Variants in TLE3 observed in about 807,000 individuals in gnomAD.
The protein encoded by TLE3 is transducin-like enhancer protein 3.
TLE3 carries 14 observed loss-of-function variants against 93.0 expected under a neutral mutation model. The ratio of observed to expected loss-of-function variants is 0.15; its 90% confidence interval spans 0.10 to 0.24. TLE3 has a LOEUF of 0.24. Ranked by LOEUF, TLE3 falls within the 10% of genes least tolerant of loss-of-function variation. TLE3 has a pLI of 1.00. For missense variants in TLE3, 693 were observed against 1,046.6 expected, an observed-to-expected ratio of 0.66 and a Z score of 4.66; for synonymous variants, 451 against 425.0, an observed-to-expected ratio of 1.06 and a Z score of -0.75.
chr15:70,059,300 G>T, intron 10 of TLE3, 110 bp downstream of exon 10: 2 of 1,323,126 alleles, frequency 1.5e-6, no homozygotes, highest in Non-Finnish European at 2.1e-6. Context: ...TTGTCTCCCT[G>T]CTCAGGCTGC....
rs1322444216 is a variant in TLE3 at position 70,066,209 on chromosome 15, G to A, written c.382C>T (p.Leu128Phe). The change falls in exon 7 of 20, where the codon CTC becomes TTC. Residue 128 changes from leucine (L) to phenylalanine (F), a missense_variant. Transcript: ENST00000451782. The part of the protein sequence containing the change: ...ELNAIIGQQQ[L>F]QAQHLSHATH... ...GCATGGGAGAGGTGCTGCGCCTGGA[G>A]CTGCTGCTGCTGCAATGAAGTCGGT... 6.6e-7 allele frequency: 1 copy of A among 1,523,578 alleles called. No homozygotes were observed. Among genetic ancestry groups the A allele is most frequent in the Non-Finnish European group, 8.8e-7 (1 of 1,137,132 alleles). 94.4% of individuals were successfully genotyped at this position (1,523,578 alleles called of 1,614,324 possible).
At chr15:70,064,101 GC>G (rs1242802681) in intron 8 of TLE3, among the ~76,000 whole-genome samples, 1 of 152,188 alleles carries the variant, frequency 6.6e-6, no homozygotes, top group African/African-American at 2.4e-5. Flanking sequence ...AGCTCATTTA[GC>G]CCAAGCTCTT....
Position 70,054,461 on chromosome 15 carries a change from G to A in TLE3, c.1803C>T (p.Asp601=), listed in dbSNP as rs2055836986. The change falls in exon 16 of 20, where the codon GAC becomes GAT. Residue 601 remains aspartate (D), a synonymous_variant. Coordinates refer to ENST00000451782, the MANE Select transcript of TLE3 (RefSeq NM_001105192.3). Reference sequence around the variant, plus strand: ...ACCTGACCAGGGTCTGGTTGTGCAGGTCCCAGACAGCAATGTTCCCATCGC... The same window carrying A: ...ACCTGACCAGGGTCTGGTTGTGCAGATCCCAGACAGCAATGTTCCCATCGC... ...CCSDGNIAVW[D]LHNQTLVRQF... The A allele has an allele frequency of 4.3e-6, 7 of 1,613,894 alleles. No individual in the cohort carries two copies. The highest frequency in any genetic ancestry group is 2.2e-5 in the East Asian group (1 of 44,880).
At chr15:70,079,216 C>T (rs971968878) in intron 4 of TLE3, among the ~76,000 whole-genome samples, 10 of 151,908 alleles carry the variant, frequency 6.6e-5, no homozygotes, top group Admixed American at 2.0e-4. Context: ...TGAGGGCTAT[C>T]GCAACAATGC....
intron 4 of TLE3, among the ~76,000 whole-genome samples, chr15:70,092,033 C>G (rs530817817): frequency 1.4e-5 from 2 of 142,126 alleles, no homozygotes; most frequent in South Asian, 2.3e-4. Context: ...TGTAATCACA[C>G]GAACAGTCAA....
At chr15:70,087,525 T>C (rs1269688655) in intron 4 of TLE3, among the ~76,000 whole-genome samples, 1 of 152,216 alleles carries the variant, frequency 6.6e-6, no homozygotes, top group Non-Finnish European at 1.5e-5. Context: ...CCCCTGGGAT[T>C]ATTTGGTGGT....
At chr15:70,070,355 G>A (rs909583868) in intron 6 of TLE3, among the ~76,000 whole-genome samples, 18 of 152,182 alleles carry the variant, frequency 1.2e-4, no homozygotes, top group Admixed American at 7.9e-4. Context: ...TTAGGCCTTC[G>A]CTAGGTGATT....
chr15:70,096,241 C>T lies in TLE3; in HGVS notation c.45G>A (p.Gln15=), dbSNP rs1337711688. ...GRHPAPHQPG[Q]PGFKFTVAES... ...CAGCCACCGTGAATTTAAATCCCGG[C>T]TGCCCGGGTTGATGGGGAGCCTGGA... The change falls in exon 2 of 20, where the codon CAG becomes CAA. Residue 15 remains glutamine, a synonymous_variant. Transcript: ENST00000451782. The T allele has an allele frequency of 1.3e-6, 2 of 1,555,538 alleles. No individual in the cohort carries two copies. The highest frequency in any genetic ancestry group is 1.9e-5 in the Admixed American group (1 of 51,634).
intron 4 of TLE3, 86 bp from the exon 5 acceptor site, chr15:70,076,244 C>T: frequency 7.9e-7 from 1 of 1,258,098 alleles, no homozygotes; most frequent in Non-Finnish European, 1.2e-6. Context: ...GCAAACTCCC[C>T]CCAGACCACA....
intron 9 of TLE3, among the ~76,000 whole-genome samples, chr15:70,060,271 G>T (rs907872584): frequency 6.6e-6 from 1 of 152,166 alleles, no homozygotes; most frequent in Non-Finnish European, 1.5e-5. Flanking sequence ...GCCTGTCTGT[G>T]GGAAGAGACC....
chr15:70,058,905 G>A lies in TLE3; in HGVS notation c.766-90C>T, dbSNP rs1275066521. On this transcript the variant is annotated intron_variant, in intron 10 of 19. Transcript: ENST00000451782. This position sits in a 1 kb window ranked among gnomAD's most constrained non-coding sequence, Gnocchi z 4.1. ...TGGGAGTGGGAAGAGAGAGGGCATG[G>A]GCGATGGGAAGACGAGCTTGGCTGA... is the stretch of plus-strand genomic sequence containing the variant. 2 of 1,433,456 alleles carry A rather than the reference G, an allele frequency of 1.4e-6. No homozygotes were observed. Among genetic ancestry groups the A allele is most frequent in the Non-Finnish European group, 1.8e-6 (2 of 1,093,360 alleles). 88.8% of individuals were successfully genotyped at this position (1,433,456 alleles called of 1,614,324 possible).
chr15:70,068,047 C>T (rs974665563), intron 6 of TLE3, among the ~76,000 whole-genome samples: 1 of 152,196 alleles, frequency 6.6e-6, no homozygotes, highest in African/African-American at 2.4e-5. Flanking sequence ...AACTCCAGCT[C>T]CTCTAGGATG....
intron 4 of TLE3, chr15:70,079,531 T>G: frequency 2.4e-6 from 1 of 415,792 alleles, no homozygotes; most frequent in Admixed American, 4.3e-5. Context: ...TAGTACCCTC[T>G]TGGGGTCTCC....
Position 70,058,268 on chromosome 15 carries a change from C to G in TLE3, c.942G>C (p.Gly314=). The part of the protein sequence containing the change: ...LGHNDKSSTP[G]LKSNTPTPRN... ...TTGGGGTTGGTGTGTTGGACTTGAGCCCAGGGGTGGAGGATTTGTCGTTCT... is the reference window on the plus strand; with the variant it reads ...TTGGGGTTGGTGTGTTGGACTTGAGGCCAGGGGTGGAGGATTTGTCGTTCT... Residue 314 remains glycine, a synonymous_variant, in exon 12 of 20, where the codon GGG becomes GGC. Coordinates refer to ENST00000451782, the MANE Select transcript of TLE3 (RefSeq NM_001105192.3). The surrounding 1 kb of genome is among the most constrained non-coding windows in gnomAD (Gnocchi z 4.1). 1.2e-6 allele frequency: 2 copies of G among 1,611,074 alleles called. No homozygotes were observed. The highest frequency in any genetic ancestry group is 1.7e-6 in the Non-Finnish European group (2 of 1,178,462).
intron 6 of TLE3, among the ~76,000 whole-genome samples, chr15:70,069,198 A>T (rs2056994665): frequency 6.6e-6 from 1 of 152,194 alleles, no homozygotes; most frequent in African/African-American, 2.4e-5. Context: ...ATTAGTGAAA[A>T]TTTTGGAAAA....
In TLE3 at chr15:70,065,968, T is replaced by G. The variant is rs780543526; in HGVS notation, c.577+46A>C. 45 of 1,340,212 alleles carry G rather than the reference T, an allele frequency of 3.4e-5. No individual in the cohort carries two copies. The South Asian group carries it at 5.3e-4, about 16-fold the overall frequency. The allele number at this position is 1,340,212 out of a possible 1,614,324, so 83.0% of individuals were successfully genotyped here. ...TCACTGTGAGGCCTATGAGCGCCCA[T>G]GCCCACCCCTGCCCCGCCCCACCCT... On this transcript the variant is annotated intron_variant, in intron 7 of 19. Coordinates refer to ENST00000451782, the MANE Select transcript of TLE3 (RefSeq NM_001105192.3).
At chr15:70,091,300 G>C (rs566372698) in intron 4 of TLE3, among the ~76,000 whole-genome samples, 2 of 152,380 alleles carry the variant, frequency 1.3e-5, no homozygotes, top group African/African-American at 4.8e-5. Flanking sequence ...CCAACAGTGG[G>C]TGAAAAGGCT....
chr15:70,096,445 G>C, intron 1 of TLE3, 184 bp from the exon 2 acceptor site: 1 of 1,211,234 alleles, frequency 8.3e-7, no homozygotes. Context: ...CCCGTCGGCA[G>C]CGGGGCTCCC....
chr15:70,082,375 C>T (rs2057820862), intron 4 of TLE3, among the ~76,000 whole-genome samples: 1 of 152,026 alleles, frequency 6.6e-6, no homozygotes, highest in Non-Finnish European at 1.5e-5. Flanking sequence ...GTTCTCAGGC[C>T]CTGCTCCATC....
Sources: gnomAD v4.1 joint callset for allele counts (sites outside exome capture counted in the v4.1 genomes callset) on GRCh38, gnomAD v4.1.1 for gene constraint, Gnocchi (gnomAD v3.1) non-coding constraint, MANE v1.5 for transcripts, NCBI Gene and HGNC (gene_info 2026-07-23, HGNC 2026-07-21) for gene names.